The following NWD2 variants were observed in gnomAD, a reference collection of about 807,000 sequenced individuals.
NWD2 encodes NACHT and WD repeat domain containing 2, also known as NACHT and WD repeat domain-containing protein 2.
NWD2 carries 37 observed loss-of-function variants against 132.7 expected under a neutral mutation model. The observed-to-expected ratio is 0.28, with a 90% confidence interval of 0.21 to 0.37. The LOEUF is 0.37. Ranked by LOEUF, NWD2 falls within the 10% of genes least tolerant of loss-of-function variation. The pLI is 1.00. For synonymous variants in NWD2, 705 were observed against 803.0 expected, an observed-to-expected ratio of 0.88 and a Z score of 2.06; for missense variants, 1,592 against 2,122.4, an observed-to-expected ratio of 0.75 and a Z score of 4.91.
chr4:37,291,081 C>T (rs532978502), intron 1 of NWD2, among the ~76,000 whole-genome samples: 1 of 152,280 alleles, frequency 6.6e-6, no homozygotes, highest in Admixed American at 6.5e-5. Flanking sequence ...CCTTTTCCTT[C>T]AGAAGTCTAA....
chr4:37,417,148 T>A (rs1711644222), intron 3 of NWD2, among the ~76,000 whole-genome samples: 1 of 152,078 alleles, frequency 6.6e-6, no homozygotes, highest in Non-Finnish European at 1.5e-5. Flanking sequence ...TCTCTTAAAA[T>A]TTTTTTAAAA....
At chr4:37,377,884 A>G (rs1720375910) in intron 3 of NWD2, among the ~76,000 whole-genome samples, 1 of 152,234 alleles carries the variant, frequency 6.6e-6, no homozygotes, top group Admixed American at 6.5e-5. Context: ...AAATAACTTT[A>G]AAACATTTTT....
chr4:37,308,253 A>G (rs1718751456), intron 1 of NWD2, among the ~76,000 whole-genome samples: 1 of 151,990 alleles, frequency 6.6e-6, no homozygotes, highest in African/African-American at 2.4e-5. Flanking sequence ...CATAGCTTTC[A>G]TGGGGAAAGA....
chr4:37,412,443 CAAG>C (rs1343396802), intron 3 of NWD2, among the ~76,000 whole-genome samples: 14 of 152,228 alleles, frequency 9.2e-5, no homozygotes, highest in African/African-American at 3.4e-4. Context: ...AGGACCTCTT[CAAG>C]AAGAACTACA....
At position 37,328,991 on chromosome 4, in the gene NWD2, G is replaced by A. The variant is rs560547947; in HGVS notation, c.240+2967G>A. On this transcript the variant is annotated intron_variant, in intron 2 of 6. Transcript: ENST00000309447. ...CTGCATTCCTTGTCCTATAGTCCCT[G>A]GCACATTGGAAAATGCTATGAGAAT... Among the ~76,000 whole-genome samples the A allele has an allele frequency of 7.2e-5, 11 of 151,916 alleles. No homozygotes were observed. In the South Asian group the frequency reaches 2.3e-3, roughly 32 times the overall value.
chr4:37,430,451 C>T, intron 3 of NWD2, 121 bp from the exon 4 acceptor site: 1 of 720,174 alleles, frequency 1.4e-6, no homozygotes, highest in South Asian at 1.9e-5. Context: ...AAAGAGAAAA[C>T]TGATGGAGCA....
chr4:37,384,272 G>A (rs567364278), intron 3 of NWD2, among the ~76,000 whole-genome samples: 2 of 152,012 alleles, frequency 1.3e-5, no homozygotes, highest in African/African-American at 4.8e-5. Context: ...TCTTTATTTT[G>A]TTTCCAATCT....
At position 37,326,000 on chromosome 4, in the gene NWD2, A is replaced by G; in HGVS notation, c.216A>G (p.Arg72=). ...NVYPKLREFC[R]ENYGLEFQVI... is the part of the protein sequence containing the mutation. ...ATCCTAAACTGAGAGAATTCTGCAG[A>G]GAAAACTATGGATTGGAATTTCAGG... Residue 72 remains arginine, a synonymous_variant, in exon 2 of 7, where the codon AGA becomes AGG. Transcript: ENST00000309447. 1 of 1,546,396 alleles carries G rather than the reference A, an allele frequency of 6.5e-7. No homozygotes were observed. Among genetic ancestry groups the G allele is most frequent in the South Asian group, 1.2e-5 (1 of 83,762 alleles).
intron 3 of NWD2, among the ~76,000 whole-genome samples, chr4:37,383,265 C>G (rs1173570016): frequency 1.3e-5 from 2 of 152,162 alleles, no homozygotes; most frequent in Admixed American, 6.5e-5. Flanking sequence ...AGGGCTTTCT[C>G]CCTCTCCCCC....
At chr4:37,410,296 G>A (rs373584483) in intron 3 of NWD2, among the ~76,000 whole-genome samples, 1 of 152,096 alleles carries the variant, frequency 6.6e-6, no homozygotes, top group African/African-American at 2.4e-5. Context: ...TCAAAATAAA[G>A]GGATGGAGGA....
intron 1 of NWD2, among the ~76,000 whole-genome samples, chr4:37,274,378 C>T (rs940478438): frequency 3.9e-5 from 6 of 151,986 alleles, no homozygotes; most frequent in African/African-American, 1.2e-4. Context: ...AAGACCAAAC[C>T]AGGAAGAAGT....
chr4:37,252,151 T>C (rs1362805707), intron 1 of NWD2, among the ~76,000 whole-genome samples: 1 of 149,290 alleles, frequency 6.7e-6, no homozygotes, highest in Admixed American at 6.6e-5. Context: ...TGAGGCAGAG[T>C]GATGATGAGA....
At chr4:37,254,673 A>G (rs1423051980) in intron 1 of NWD2, among the ~76,000 whole-genome samples, 3 of 152,224 alleles carry the variant, frequency 2.0e-5, no homozygotes, top group Non-Finnish European at 4.4e-5. Context: ...CATTCTGCAC[A>G]TTAAAGTGTG....
At chr4:37,298,250 G>A (rs758462039) in intron 1 of NWD2, among the ~76,000 whole-genome samples, 1 of 152,152 alleles carries the variant, frequency 6.6e-6, no homozygotes, top group Non-Finnish European at 1.5e-5. Flanking sequence ...GCAATCACTC[G>A]TGCCATGAGA....
chr4:37,443,641 G>T lies in NWD2; in HGVS notation c.1653G>T (p.Gly551=), dbSNP rs1409718719. ...TTTCCACGCTGCCCAACAAACATGG[G>T]ATCTTGCAGAAACTAAGGTGCCTTA... is the stretch of plus-strand genomic sequence containing the variant. The part of the protein sequence containing the change: ...IVLSTLPNKH[G]ILQKLRCLIH... The change falls in exon 7 of 7, where the codon GGG becomes GGT. Residue 551 remains glycine, a synonymous_variant. Transcript: ENST00000309447. This position sits in a 1 kb window ranked among gnomAD's most constrained non-coding sequence, Gnocchi z 4.1. 10 of 1,552,048 alleles carry T rather than the reference G, an allele frequency of 6.4e-6. No homozygotes were observed. Among genetic ancestry groups the T allele is most frequent in the Middle Eastern group, 1.7e-4 (1 of 5,996 alleles).
chr4:37,443,816 C>T lies in NWD2; in HGVS notation c.1828C>T (p.Pro610Ser). ...CAATGCATTATCCAAGTGCACACTG[C>T]CAATGTTTGTGAACCTGACCTTCAG... is the stretch of plus-strand genomic sequence containing the variant. ...VNNALSKCTL[P>S]MFVNLTFREV... The change falls in exon 7 of 7, where the codon CCA (proline) becomes TCA (serine). Residue 610 changes from proline to serine, a missense_variant. Physicochemically the swap from Pro to Ser is moderately conservative, Grantham distance 74. Transcript: ENST00000309447. The surrounding 1 kb of genome is among the most constrained non-coding windows in gnomAD (Gnocchi z 4.1). 1 of 1,552,088 alleles carries T rather than the reference C, an allele frequency of 6.4e-7. No individual in the cohort carries two copies. The highest frequency in any genetic ancestry group is 1.2e-5 in the South Asian group (1 of 84,052).
Position 37,386,789 on chromosome 4 carries a change from GT to G in NWD2, c.357+30309del, listed in dbSNP as rs1355910332. Among the ~76,000 whole-genome samples the G allele has an allele frequency of 4.3e-4, 65 of 149,592 alleles. 2 individuals are homozygous for G. Among genetic ancestry groups the G allele is most frequent in the African/African-American group, 1.7e-3 (65 of 38,992 alleles). On this transcript the variant is annotated intron_variant, in intron 3 of 6. Transcript: ENST00000309447. ...CATGGGGTGGGTCTCTCATGAATGA[GT>G]TGGTACCATTCCCACAGTAATGGAT...
intron 3 of NWD2, among the ~76,000 whole-genome samples, chr4:37,408,345 G>T (rs1344495909): frequency 6.6e-6 from 1 of 152,180 alleles, no homozygotes; most frequent in African/African-American, 2.4e-5. Context: ...AGCTTGCTTG[G>T]GGGAGGGGCC....
chr4:37,346,139 T>G (rs1303994995), intron 2 of NWD2, among the ~76,000 whole-genome samples: 4 of 152,176 alleles, frequency 2.6e-5, no homozygotes, highest in Admixed American at 1.3e-4. Flanking sequence ...GTTTAATAGT[T>G]TTGACTCTCA....
Sources: gnomAD v4.1 joint callset for allele counts (sites outside exome capture counted in the v4.1 genomes callset) on GRCh38, gnomAD v4.1.1 for gene constraint, Gnocchi (gnomAD v3.1) non-coding constraint, MANE v1.5 for transcripts, NCBI Gene and HGNC (gene_info 2026-07-23, HGNC 2026-07-21) for gene names.